HPSE2: variants seen among roughly 807,000 people sequenced by gnomAD.
The protein encoded by HPSE2 is heparanase 2 (inactive), also known as inactive heparanase-2.
In HPSE2, 38 loss-of-function variants were observed where a neutral mutation model predicts 60.5. The observed-to-expected ratio is 0.63, with a 90% CI of 0.48 to 0.82. HPSE2 has a LOEUF of 0.82. Ranked by LOEUF, HPSE2 falls within the 40% of genes least tolerant of loss-of-function variation. The pLI is 0.00. For missense variants in HPSE2, 713 were observed against 740.4 expected, an observed-to-expected ratio of 0.96 and a Z score of 0.43; for synonymous variants, 295 against 293.2, an observed-to-expected ratio of 1.01 and a Z score of -0.06.
At chr10:98,971,219 A>T (rs1471801425) in intron 3 of HPSE2, among the ~76,000 whole-genome samples, 1 of 152,242 alleles carries the variant, frequency 6.6e-6, no homozygotes, top group Non-Finnish European at 1.5e-5. Context: ...GAATAACAAC[A>T]TAATCCATTC....
At chr10:98,751,108 C>T (rs1949747547) in intron 3 of HPSE2, among the ~76,000 whole-genome samples, 2 of 152,192 alleles carry the variant, frequency 1.3e-5, no homozygotes, top group Admixed American at 6.6e-5. Flanking sequence ...AACTTCCCAC[C>T]TTTTTATCCT....
At chr10:98,860,716 C>T (rs148839712) in intron 3 of HPSE2, among the ~76,000 whole-genome samples, 141 of 152,292 alleles carry the variant, frequency 9.3e-4, no homozygotes, top group African/African-American at 3.3e-3. Flanking sequence ...ACCTCTTTTG[C>T]AACTTTTGAA....
chr10:99,127,045 G>A (rs917956838), intron 3 of HPSE2, among the ~76,000 whole-genome samples: 1 of 152,088 alleles, frequency 6.6e-6, no homozygotes, highest in African/African-American at 2.4e-5. Context: ...ACCCAAATGA[G>A]AAGGAACCAG....
chr10:99,262,994 T>TACAC, the HPSE2 span, among the ~76,000 whole-genome samples: 1 of 152,128 alleles, frequency 6.6e-6, no homozygotes, highest in Admixed American at 6.5e-5. Flanking sequence ...TCGGAATTCT[T>TACAC]ACACAAGAGC....
At chr10:98,495,733 G>A (rs767627760) in intron 9 of HPSE2, among the ~76,000 whole-genome samples, 8 of 151,526 alleles carry the variant, frequency 5.3e-5, no homozygotes, top group Non-Finnish European at 1.0e-4. Context: ...TTTCTTTACA[G>A]GTTTTCTTTC....
At chr10:98,600,032 G>C (rs143686851) in intron 9 of HPSE2, among the ~76,000 whole-genome samples, 91 of 152,316 alleles carry the variant, frequency 6.0e-4, no homozygotes, top group African/African-American at 2.1e-3. Context: ...TTTAAGACCA[G>C]CTGTGGGTAA....
At chr10:98,782,963 A>T (rs1157998577) in intron 3 of HPSE2, among the ~76,000 whole-genome samples, 1 of 94,470 alleles carries the variant, frequency 1.1e-5, no homozygotes, top group African/African-American at 4.3e-5. Flanking sequence ...ATTATACTCT[A>T]AGTTTTAGGG....
chr10:98,535,203 A>C (rs1164269140), intron 9 of HPSE2, among the ~76,000 whole-genome samples: 1 of 152,246 alleles, frequency 6.6e-6, no homozygotes, highest in Non-Finnish European at 1.5e-5. Context: ...AGATTTTAAA[A>C]AGTCCAGGCA....
At chr10:99,277,259 A>G in the HPSE2 span, among the ~76,000 whole-genome samples, 14 of 152,266 alleles carry the variant, frequency 9.2e-5, no homozygotes, top group Non-Finnish European at 1.6e-4. Flanking sequence ...ATGCAAAAAT[A>G]TAAGTTAAAA....
intron 3 of HPSE2, among the ~76,000 whole-genome samples, chr10:99,044,691 CAAA>C (rs35009988): frequency 0.017 from 2,365 of 138,498 alleles, 37 homozygotes; most frequent in Middle Eastern, 0.058. Flanking sequence ...AACAAACAAA[CAAA>C]AAAAATAGCA....
chr10:98,634,235 C>T (rs987052099), intron 7 of HPSE2, among the ~76,000 whole-genome samples: 1 of 152,194 alleles, frequency 6.6e-6, no homozygotes, highest in African/African-American at 2.4e-5. Context: ...TGCTCATTCA[C>T]CTGCCCCTCG....
At chr10:98,974,243 C>T (rs922123371) in intron 3 of HPSE2, among the ~76,000 whole-genome samples, 1 of 151,766 alleles carries the variant, frequency 6.6e-6, no homozygotes, top group Non-Finnish European at 1.5e-5. Context: ...GAGCTGAGAT[C>T]GTACCATTGC....
chr10:98,942,288 C>T (rs546881903), intron 3 of HPSE2, among the ~76,000 whole-genome samples: 4 of 143,314 alleles, frequency 2.8e-5, no homozygotes, highest in East Asian at 4.0e-4. Flanking sequence ...TTAGAGTGAA[C>T]AGGAAACCTA....
chr10:98,648,069 A>G (rs1946821180), intron 6 of HPSE2, among the ~76,000 whole-genome samples: 1 of 152,208 alleles, frequency 6.6e-6, no homozygotes, highest in African/African-American at 2.4e-5. Flanking sequence ...GAGTGCCTGT[A>G]TGACTTAACC....
intron 9 of HPSE2, among the ~76,000 whole-genome samples, chr10:98,536,146 A>C (rs1202073615): frequency 6.6e-6 from 1 of 152,162 alleles, no homozygotes; most frequent in Non-Finnish European, 1.5e-5. Flanking sequence ...ACTTCTTTTT[A>C]AGATGTATGG....
At chr10:98,619,564 C>T (rs746748641) in intron 8 of HPSE2, among the ~76,000 whole-genome samples, 10 of 152,156 alleles carry the variant, frequency 6.6e-5, no homozygotes, top group African/African-American at 1.9e-4. Flanking sequence ...CTTCCTCTAC[C>T]GGGTTTTTAA....
intron 3 of HPSE2, among the ~76,000 whole-genome samples, chr10:98,986,327 G>C (rs1339619689): frequency 2.0e-5 from 3 of 151,412 alleles, no homozygotes; most frequent in African/African-American, 7.3e-5. Context: ...TAGAACTCAG[G>C]ATTAAGAAAC....
chr10:99,124,310 C>A (rs1198468360), intron 3 of HPSE2, among the ~76,000 whole-genome samples: 1 of 152,198 alleles, frequency 6.6e-6, no homozygotes, highest in African/African-American at 2.4e-5. Context: ...ACCGTAAGTT[C>A]TCACTCTGGT....
chr10:98,684,580 G>A (rs1000123049), intron 6 of HPSE2, among the ~76,000 whole-genome samples: 1 of 152,110 alleles, frequency 6.6e-6, no homozygotes, highest in Non-Finnish European at 1.5e-5. Context: ...AACTCTTGGA[G>A]GATGAGAAAA....
Sources: gnomAD v4.1 joint callset for allele counts (sites outside exome capture counted in the v4.1 genomes callset) on GRCh38, gnomAD v4.1.1 for gene constraint, MANE v1.5 for transcripts, NCBI Gene and HGNC (gene_info 2026-07-23, HGNC 2026-07-21) for gene names.